The following SYNE1 variants were observed in gnomAD, a reference collection of about 807,000 sequenced individuals.
The protein encoded by SYNE1 is spectrin repeat containing nuclear envelope protein 1.
SYNE1 carries 616 observed loss-of-function variants against 1,111.0 expected under a neutral mutation model. That is an observed-to-expected ratio of 0.55 (90% CI 0.52 to 0.59). The LOEUF (loss-of-function observed/expected upper bound fraction) is 0.59, where lower values mean the gene tolerates loss of function less well. Ranked by LOEUF, SYNE1 falls within the 20% of genes least tolerant of loss-of-function variation. SYNE1 has a pLI of 0.00. For missense variants in SYNE1, 10,006 were observed against 10,417.0 expected (o/e 0.96, Z 1.72); for synonymous variants, 3,855 against 3,825.8 (o/e 1.01, Z -0.28).
intron 74 of SYNE1, 98 bp downstream of exon 74, chr6:152,343,983 G>T: frequency 6.6e-7 from 1 of 1,525,668 alleles, no homozygotes; most frequent in Non-Finnish European, 9.0e-7. Context: ...AGATTCCCAG[G>T]AGTCAATACA....
At chr6:152,247,011 AG>A (rs2153580970) in intron 105 of SYNE1, among the ~76,000 whole-genome samples, 1 of 152,358 alleles carries the variant, frequency 6.6e-6, no homozygotes, top group Admixed American at 6.5e-5. Context: ...TTTCTAAGAA[AG>A]GACATGCACT....
chr6:152,207,298 T>C (rs934154964), intron 125 of SYNE1, among the ~76,000 whole-genome samples: 3 of 152,160 alleles, frequency 2.0e-5, no homozygotes, highest in Non-Finnish European at 2.9e-5. Flanking sequence ...GTGATGCACA[T>C]AGACATAAAC....
chr6:152,245,405 G>A (rs1315642476), intron 105 of SYNE1, among the ~76,000 whole-genome samples: 2 of 152,206 alleles, frequency 1.3e-5, no homozygotes, highest in African/African-American at 2.4e-5. Context: ...GCCTAAGCAG[G>A]CGTTTGGAAA....
intron 41 of SYNE1, among the ~76,000 whole-genome samples, chr6:152,415,812 AAAAG>A (rs1450183203): frequency 6.7e-6 from 1 of 150,140 alleles, no homozygotes; most frequent in African/African-American, 2.4e-5. Flanking sequence ...AAAAAAAAAA[AAAAG>A]AAGAGGAAGA....
At chr6:152,602,748 A>G (rs1002569534) in intron 3 of SYNE1, among the ~76,000 whole-genome samples, 6 of 152,088 alleles carry the variant, frequency 3.9e-5, no homozygotes, top group African/African-American at 1.4e-4. Context: ...TTTTATTCAT[A>G]CCTGTTGAGT....
intron 115 of SYNE1, among the ~76,000 whole-genome samples, 165 bp downstream of exon 115, chr6:152,230,382 T>C (rs1213731185): frequency 6.6e-6 from 1 of 152,108 alleles, no homozygotes; most frequent in Non-Finnish European, 1.5e-5. Context: ...CTAATGTATT[T>C]TAAAAAAAAC....
intron 131 of SYNE1, among the ~76,000 whole-genome samples, chr6:152,157,402 C>T (rs535144949): frequency 4.7e-4 from 71 of 152,216 alleles, no homozygotes; most frequent in Middle Eastern, 3.4e-3. Flanking sequence ...GAGAGTAGAA[C>T]GCCAGATAGC....
intron 3 of SYNE1, among the ~76,000 whole-genome samples, chr6:152,596,098 TAAAAAAAAAAAAAAAA>T (rs71017542): frequency 1.1e-4 from 2 of 18,590 alleles, no homozygotes; most frequent in Admixed American, 9.7e-4. Flanking sequence ...AAGGGCAATC[TAAAAAAAAAAAAAAAA>T]AAAAAAAAAA....
chr6:152,285,549 T>A (rs1489059019), intron 95 of SYNE1, among the ~76,000 whole-genome samples: 1 of 152,148 alleles, frequency 6.6e-6, no homozygotes, highest in Non-Finnish European at 1.5e-5. Context: ...TGTGCCACAC[T>A]CCCTTCTTGC....
At chr6:152,222,850 T>C (rs984677416) in intron 117 of SYNE1, among the ~76,000 whole-genome samples, 1 of 152,248 alleles carries the variant, frequency 6.6e-6, no homozygotes, top group Non-Finnish European at 1.5e-5. Flanking sequence ...AATAATGCAC[T>C]GTATATGTCA....
chr6:152,566,252 G>T (rs1469225175), intron 3 of SYNE1, among the ~76,000 whole-genome samples: 1 of 152,090 alleles, frequency 6.6e-6, no homozygotes, highest in Non-Finnish European at 1.5e-5. Context: ...ATGACGCAAG[G>T]TAACACAGAG....
chr6:152,489,138 A>T (rs2098956564), intron 11 of SYNE1, among the ~76,000 whole-genome samples: 1 of 152,228 alleles, frequency 6.6e-6, no homozygotes, highest in Non-Finnish European at 1.5e-5. Flanking sequence ...TGGGATTTTC[A>T]TACTTATTTT....
At chr6:152,502,929 A>G (rs1450345405) in intron 9 of SYNE1, among the ~76,000 whole-genome samples, 187 bp from the exon 10 acceptor site, 1 of 152,186 alleles carries the variant, frequency 6.6e-6, no homozygotes, top group Non-Finnish European at 1.5e-5. Flanking sequence ...GATGAAAATT[A>G]TATTACTCAG....
rs374574878 is a variant in SYNE1 at position 152,236,800 on chromosome 6, C to T, written c.20199+17G>A. ...TGGTAAGTTTCTAAAGGCAATGTGGCGGCTTGTAACACCAACCTGGTAGAG... is the reference window on the plus strand; with the variant it reads ...TGGTAAGTTTCTAAAGGCAATGTGGTGGCTTGTAACACCAACCTGGTAGAG... On this transcript the variant is annotated intron_variant, in intron 109 of 145. Coordinates refer to ENST00000367255, the MANE Select transcript of SYNE1 (RefSeq NM_182961.4). 1.4e-5 allele frequency: 22 copies of T among 1,614,018 alleles called. No individual in the cohort carries two copies. Among genetic ancestry groups the T allele is most frequent in the Middle Eastern group, 1.6e-4 (1 of 6,062 alleles).
At chr6:152,600,942 A>G (rs2099594682) in intron 3 of SYNE1, among the ~76,000 whole-genome samples, 1 of 152,254 alleles carries the variant, frequency 6.6e-6, no homozygotes, top group Non-Finnish European at 1.5e-5. Context: ...GTCTGAACAA[A>G]CAGTTTCATC....
chr6:152,149,683 T>C lies in SYNE1; in HGVS notation c.24451-15A>G. On this transcript the variant is annotated splice_polypyrimidine_tract_variant and intron_variant, in intron 135 of 145. Coordinates refer to ENST00000367255, the MANE Select transcript of SYNE1 (RefSeq NM_182961.4). ...TGCTGGAAGGCCTAGGGAGTACAAA[T>C]CTCATGTGATTTTGCTATTGTTGTT... The C allele has an allele frequency of 6.2e-7, 1 of 1,610,674 alleles. No individual in the cohort carries two copies. Among genetic ancestry groups the C allele is most frequent in the East Asian group, 2.2e-5 (1 of 44,860 alleles).
At position 152,407,129 on chromosome 6, in the gene SYNE1, A is replaced by C. The variant is rs1359263008; in HGVS notation, c.6608T>G (p.Leu2203Arg). The C allele has an allele frequency of 1.2e-6, 2 of 1,613,964 alleles. No individual in the cohort carries two copies. The highest frequency in any genetic ancestry group is 1.3e-5 in the African/African-American group (1 of 74,914). ...TCCCTCAATCTCATCTCTAGTTGAC[A>C]GTACATCATCCCAAATGGACAGGCT... ...RVSLSIWDDV[L>R]STRDEIEGWS... Residue 2203 changes from leucine to arginine, a missense_variant, in exon 45 of 146, where the codon CTG becomes CGG. Leu to Arg is a moderately radical substitution (Grantham distance 102, BLOSUM62 -2). Around this residue, in one of 7 missense-constraint regions of SYNE1, gnomAD observed 4,955 missense variants for 5,017.2 expected, o/e 0.99. Transcript: ENST00000367255.
chr6:152,535,680 A>G (rs554206933), intron 4 of SYNE1, among the ~76,000 whole-genome samples: 3 of 152,220 alleles, frequency 2.0e-5, no homozygotes, highest in Non-Finnish European at 2.9e-5. Context: ...AACTGCAAGC[A>G]TTTGATAATA....
intron 96 of SYNE1, among the ~76,000 whole-genome samples, chr6:152,283,508 C>G (rs573123406): frequency 6.6e-6 from 1 of 152,110 alleles, no homozygotes; most frequent in Non-Finnish European, 1.5e-5. Context: ...GTACTCTATT[C>G]GGGAGACTGT....
Sources: gnomAD v4.1 joint callset for allele counts (sites outside exome capture counted in the v4.1 genomes callset) on GRCh38, gnomAD v4.1.1 for gene constraint, gnomAD v4.1.1 regional missense constraint, MANE v1.5 for transcripts, NCBI Gene and HGNC (gene_info 2026-07-23, HGNC 2026-07-21) for gene names.